L2HGDH: variants seen among roughly 807,000 people sequenced by gnomAD.
L2HGDH encodes L-2-hydroxyglutarate dehydrogenase.
Under a neutral mutation model 51.5 loss-of-function variants are expected in L2HGDH, and 34 were observed. The ratio of observed to expected loss-of-function variants is 0.66; its 90% confidence interval spans 0.50 to 0.88. The LOEUF (loss-of-function observed/expected upper bound fraction) is 0.88. Among genes scored for constraint, L2HGDH ranks in the 40% least tolerant of loss-of-function variants. The pLI is 0.00. For synonymous variants in L2HGDH, 198 were observed against 197.9 expected, an observed-to-expected ratio of 1.00 and a Z score of -0.01; for missense variants, 558 against 571.9, an observed-to-expected ratio of 0.98 and a Z score of 0.25.
intron 4 of L2HGDH, among the ~76,000 whole-genome samples, chr14:50,289,598 A>G (rs1890760258): frequency 6.6e-6 from 1 of 152,246 alleles, no homozygotes; most frequent in South Asian, 2.1e-4. Context: ...TAGGCAGAAA[A>G]AAGCTAAAGA....
chr14:50,251,815 C>G (rs972158401), intron 9 of L2HGDH, among the ~76,000 whole-genome samples: 5 of 151,798 alleles, frequency 3.3e-5, no homozygotes, highest in Non-Finnish European at 5.9e-5. Context: ...CTTTCCCAGA[C>G]AAAGTTGAGG....
At chr14:50,265,668 C>T (rs953829418) in intron 8 of L2HGDH, among the ~76,000 whole-genome samples, 179 bp from the exon 9 acceptor site, 2 of 152,282 alleles carry the variant, frequency 1.3e-5, no homozygotes, top group East Asian at 1.9e-4. Context: ...AATCCCAACA[C>T]TTTGGGAGGT....
In L2HGDH at chr14:50,243,663, TTATA is replaced by T. The variant is rs35064677; in HGVS notation, c.*3391_*3394del. 39,936 of 175,088 alleles carry T rather than the reference TTATA, an allele frequency of 0.23. 3,795 individuals are homozygous for T. Among genetic ancestry groups the T allele is most frequent in the East Asian group, 0.45 (2,351 of 5,200 alleles). 10.8% of individuals were successfully genotyped at this position (175,088 alleles called of 1,614,324 possible). A position where few individuals can be genotyped will look rare whatever the true frequency, so the allele number is the denominator to read the frequency against. ...TTTCATTTTTATTTTTCAGGGTATTTTATATATATATATATATATATATTGTTTA... is the reference window on the plus strand; with the variant it reads ...TTTCATTTTTATTTTTCAGGGTATTTTATATATATATATATATATTGTTTA... On this transcript the variant is annotated 3_prime_UTR_variant, in exon 10 of 10. Transcript: ENST00000267436.
intron 5 of L2HGDH, among the ~76,000 whole-genome samples, chr14:50,282,784 G>A (rs376197876): frequency 1.4e-4 from 21 of 152,256 alleles, no homozygotes; most frequent in South Asian, 4.1e-4. Context: ...GCTCACGCCC[G>A]TAATTCTAGC....
chr14:50,301,942 T>A (rs1566538843), intron 3 of L2HGDH, 75 bp downstream of exon 3: 8 of 1,459,116 alleles, frequency 5.5e-6, no homozygotes, highest in Admixed American at 3.5e-5. Context: ...AATACATTTT[T>A]AAAAAATGTA....
intron 9 of L2HGDH, among the ~76,000 whole-genome samples, chr14:50,260,451 T>C (rs951666862): frequency 6.6e-6 from 1 of 152,230 alleles, no homozygotes; most frequent in African/African-American, 2.4e-5. Context: ...CTACATATTT[T>C]ATACGTTGAG....
At position 50,278,533 on chromosome 14, in the gene L2HGDH, A is replaced by G. The variant is rs760055886; in HGVS notation, c.725T>C (p.Ile242Thr). Residue 242 changes from isoleucine (I) to threonine (T), a missense_variant, in exon 6 of 10, where the codon ATA becomes ACA. Coordinates refer to ENST00000267436, the MANE Select transcript of L2HGDH (RefSeq NM_024884.3). ...AAGAATCTTTACCTTTGTATTCTTT[A>G]TAACAATTGGATATTGCATTCCTGA... The part of the protein sequence containing the change: ...SIDGMQYPIV[I>T]KNTKGEEIRC... The G allele has an allele frequency of 6.7e-7, 1 of 1,493,990 alleles. No individual in the cohort carries two copies. The highest frequency in any genetic ancestry group is 1.7e-5 in the Admixed American group (1 of 58,096). 92.5% of individuals were successfully genotyped at this position (1,493,990 alleles called of 1,614,324 possible).
intron 4 of L2HGDH, among the ~76,000 whole-genome samples, chr14:50,284,533 T>G (rs1436955684): frequency 1.3e-5 from 2 of 152,278 alleles, no homozygotes; most frequent in East Asian, 1.9e-4. Context: ...AAATCAATGT[T>G]CATCAATCTG....
At chr14:50,272,646 T>A (rs1470752856) in intron 6 of L2HGDH, among the ~76,000 whole-genome samples, 2 of 152,216 alleles carry the variant, frequency 1.3e-5, no homozygotes, top group Non-Finnish European at 1.5e-5. Flanking sequence ...CTACCCATTA[T>A]TAACTGGGTG....
At chr14:50,270,655 C>T (rs1363264288) in intron 6 of L2HGDH, among the ~76,000 whole-genome samples, 1 of 152,102 alleles carries the variant, frequency 6.6e-6, no homozygotes, top group Non-Finnish European at 1.5e-5. Flanking sequence ...TACAGGCGCC[C>T]GCCACCACGC....
At position 50,242,923 on chromosome 14, in the gene L2HGDH, G is replaced by C. The variant is rs746526047; in HGVS notation, c.*4135C>G. On this transcript the variant is annotated 3_prime_UTR_variant, in exon 10 of 10. Coordinates refer to ENST00000267436, the MANE Select transcript of L2HGDH (RefSeq NM_024884.3). ...AGACACCATGTCTCCTGTGTTTACA[G>C]GGATAGCTCATAGGTACAGCCATCA... is the stretch of plus-strand genomic sequence containing the variant. The C allele has an allele frequency of 1.0e-4, 100 of 985,344 alleles. No homozygotes were observed. Among genetic ancestry groups the C allele is most frequent in the Non-Finnish European group, 1.2e-4 (99 of 829,952 alleles). 61.0% of individuals were successfully genotyped at this position (985,344 alleles called of 1,614,324 possible). A position where few individuals can be genotyped will look rare whatever the true frequency, so the allele number is the denominator to read the frequency against.
intron 9 of L2HGDH, among the ~76,000 whole-genome samples, chr14:50,261,388 TGTCTTC>T (rs1222634923): frequency 6.6e-6 from 1 of 152,238 alleles, no homozygotes; most frequent in Middle Eastern, 3.2e-3. Flanking sequence ...GTGACATATA[TGTCTTC>T]GTCTTTTACA....
intron 4 of L2HGDH, among the ~76,000 whole-genome samples, chr14:50,286,020 G>A (rs1890545417): frequency 6.6e-6 from 1 of 152,182 alleles, no homozygotes; most frequent in Non-Finnish European, 1.5e-5. Flanking sequence ...AGTTGGGGTG[G>A]TGTTGGTAGA....
chr14:50,293,191 G>A (rs963608351), intron 4 of L2HGDH: 5 of 701,744 alleles, frequency 7.1e-6, no homozygotes, highest in Non-Finnish European at 1.3e-5. Flanking sequence ...TCCAGACATA[G>A]ACCCGCCACA....
intron 2 of L2HGDH, 134 bp downstream of exon 2, chr14:50,302,768 G>T: frequency 1.4e-6 from 1 of 726,968 alleles, no homozygotes. Flanking sequence ...CTATAGCCAT[G>T]TCCTTGTCCC....
At chr14:50,295,739 T>C (rs1207826268) in intron 3 of L2HGDH, among the ~76,000 whole-genome samples, 2 of 147,644 alleles carry the variant, frequency 1.4e-5, no homozygotes, top group Admixed American at 6.8e-5. Context: ...TTTTTTTTCA[T>C]AGCATCTTTT....
chr14:50,312,034 T>G lies in L2HGDH; in HGVS notation c.117A>C (p.Gly39=). Residue 39 remains glycine, a synonymous_variant, in exon 1 of 10, where the codon GGA becomes GGC. Coordinates refer to ENST00000267436, the MANE Select transcript of L2HGDH (RefSeq NM_024884.3). ...ACCTGGTGCTGGCGCTGCGGCTACC[T>G]CCACACAGCGGTCTTGGCCTCCCAG... ...FASGRPRPLC[G]GSRSASTSSF... 6.3e-7 allele frequency: 1 copy of G among 1,579,460 alleles called. No individual in the cohort carries two copies. The highest frequency in any genetic ancestry group is 8.6e-7 in the Non-Finnish European group (1 of 1,164,972).
chr14:50,263,627 T>C (rs527254907), intron 9 of L2HGDH, among the ~76,000 whole-genome samples: 23 of 152,154 alleles, frequency 1.5e-4, no homozygotes, highest in Middle Eastern at 3.4e-3. Context: ...AGGGTGAGAG[T>C]ACCTCAAAGT....
In L2HGDH at chr14:50,312,216, C is replaced by G. The variant is rs1027312804; in HGVS notation, c.-66G>C. The G allele has an allele frequency of 9.8e-5, 156 of 1,586,488 alleles. No individual in the cohort carries two copies. Among genetic ancestry groups the G allele is most frequent in the Admixed American group, 9.4e-4 (54 of 57,414 alleles). ...CACTTGACCCTCCACGGCCGAGGACCCGCGCTCTTTAGCCCCGCCCCTCAC... is the reference window on the plus strand; with the variant it reads ...CACTTGACCCTCCACGGCCGAGGACGCGCGCTCTTTAGCCCCGCCCCTCAC... On this transcript the variant is annotated 5_prime_UTR_variant, in exon 1 of 10. Transcript: ENST00000267436.
Sources: gnomAD v4.1 joint callset for allele counts (sites outside exome capture counted in the v4.1 genomes callset) on GRCh38, gnomAD v4.1.1 for gene constraint, MANE v1.5 for transcripts, NCBI Gene and HGNC (gene_info 2026-07-23, HGNC 2026-07-21) for gene names.